DISC1: variants seen among roughly 807,000 people sequenced by gnomAD.
DISC1 encodes DISC1 scaffold protein.
DISC1 carries 57 observed loss-of-function variants against 84.5 expected under a neutral mutation model. The ratio of observed to expected loss-of-function variants is 0.67; its 90% CI spans 0.55 to 0.84. DISC1 has a LOEUF of 0.84. Among genes scored for constraint, DISC1 ranks in the 40% least tolerant of loss-of-function variants. The pLI is 0.00. For missense variants in DISC1, 1,000 were observed against 1,057.8 expected (o/e 0.95, Z 0.76); for synonymous variants, 411 against 415.2 (o/e 0.99, Z 0.12).
intron 6 of DISC1, among the ~76,000 whole-genome samples, chr1:231,794,210 G>A (rs1998406): frequency 0.72 from 108,686 of 151,954 alleles, 39,187 homozygotes; most frequent in Admixed American, 0.77. Context: ...AGAACCATTT[G>A]GTCCAGTTAG....
At chr1:231,867,709 G>A (rs193041021) in intron 9 of DISC1, among the ~76,000 whole-genome samples, 1 of 152,308 alleles carries the variant, frequency 6.6e-6, no homozygotes, top group East Asian at 1.9e-4. Context: ...GTTGTTGATA[G>A]ATCTTCCCAT....
intron 8 of DISC1, among the ~76,000 whole-genome samples, chr1:231,808,259 G>A (rs897508751): frequency 1.3e-5 from 2 of 152,160 alleles, no homozygotes; most frequent in African/African-American, 4.8e-5. Flanking sequence ...GTGAGGGCTG[G>A]AACCACCGTA....
At chr1:231,941,997 G>A (rs1231750830) in intron 9 of DISC1, among the ~76,000 whole-genome samples, 3 of 152,070 alleles carry the variant, frequency 2.0e-5, no homozygotes, top group Non-Finnish European at 4.4e-5. Context: ...CCAGACAGAG[G>A]ATGGGGAAAG....
At chr1:231,891,351 A>T (rs547308410) in intron 9 of DISC1, among the ~76,000 whole-genome samples, 4 of 152,208 alleles carry the variant, frequency 2.6e-5, no homozygotes, top group Non-Finnish European at 5.9e-5. Context: ...TAGTGTTAAT[A>T]GGATATTTGA....
chr1:231,914,198 A>G (rs554453803), intron 9 of DISC1, among the ~76,000 whole-genome samples: 2 of 152,164 alleles, frequency 1.3e-5, no homozygotes, highest in African/African-American at 4.8e-5. Flanking sequence ...GGCAGAGTGA[A>G]TTCACGAGGA....
chr1:231,912,702 C>T lies in DISC1; in HGVS notation c.1982-46126C>T, dbSNP rs560237423. On this transcript the variant is annotated intron_variant, in intron 9 of 12. Coordinates refer to ENST00000439617, the MANE Select transcript of DISC1 (RefSeq NM_018662.3). ...ATGCTGGGAGAACCACCACTCTCTTCAAAGCTGTCAGACAGGGACATTTAA... is the reference window on the plus strand; with the variant it reads ...ATGCTGGGAGAACCACCACTCTCTTTAAAGCTGTCAGACAGGGACATTTAA... Among the ~76,000 whole-genome samples the T allele has an allele frequency of 1.4e-3, 214 of 152,240 alleles. 1 individual carries two copies. The highest frequency in any genetic ancestry group is 4.9e-3 in the African/African-American group (204 of 41,548).
At chr1:231,804,900 G>A (rs1034831109) in intron 8 of DISC1, among the ~76,000 whole-genome samples, 7 of 152,100 alleles carry the variant, frequency 4.6e-5, no homozygotes, top group African/African-American at 1.7e-4. Flanking sequence ...TTTAGGAAGC[G>A]TAATCCGGCC....
intron 3 of DISC1, among the ~76,000 whole-genome samples, chr1:231,726,172 T>G (rs78988047): frequency 0.02 from 3,072 of 152,274 alleles, 41 homozygotes; most frequent in Non-Finnish European, 0.032. Flanking sequence ...TGCTTTTCCA[T>G]GTTATGAACC....
At chr1:231,704,389 A>G (rs568789719) in intron 3 of DISC1, among the ~76,000 whole-genome samples, 43 of 152,264 alleles carry the variant, frequency 2.8e-4, no homozygotes, top group African/African-American at 9.6e-4. Context: ...ATATCTATTA[A>G]GTATCCATCG....
At chr1:231,792,742 T>G (rs2078444666) in intron 6 of DISC1, among the ~76,000 whole-genome samples, 1 of 152,170 alleles carries the variant, frequency 6.6e-6, no homozygotes, top group African/African-American at 2.4e-5. Flanking sequence ...CCTAAGTGGT[T>G]TCATCTGCCC....
intron 9 of DISC1, among the ~76,000 whole-genome samples, chr1:231,957,559 A>G (rs1659736024): frequency 6.6e-6 from 1 of 152,138 alleles, no homozygotes. Context: ...TATGTATGGG[A>G]TGTGAAACAG....
chr1:231,906,687 G>C (rs956081395), intron 9 of DISC1, among the ~76,000 whole-genome samples: 1 of 152,054 alleles, frequency 6.6e-6, no homozygotes. Context: ...AAGCCGTTCA[G>C]GTTAGAGGGT....
intron 1 of DISC1, among the ~76,000 whole-genome samples, chr1:231,649,055 C>T (rs2060391407): frequency 6.6e-6 from 1 of 152,144 alleles, no homozygotes; most frequent in Admixed American, 6.5e-5. Context: ...TCTCTATCTC[C>T]TTCAGTTCTG....
intron 9 of DISC1, among the ~76,000 whole-genome samples, chr1:231,911,390 G>T (rs1338876620): frequency 6.6e-6 from 1 of 152,108 alleles, no homozygotes; most frequent in Non-Finnish European, 1.5e-5. Flanking sequence ...AAATCTCTCA[G>T]CATTTGCTTG....
intron 9 of DISC1, among the ~76,000 whole-genome samples, chr1:231,831,267 G>T (rs1450322186): frequency 6.6e-6 from 1 of 152,208 alleles, no homozygotes; most frequent in Non-Finnish European, 1.5e-5. Context: ...ACTGAGAAGT[G>T]ATTTCCTGGA....
chr1:231,671,569 C>T (rs2062621070), intron 1 of DISC1, among the ~76,000 whole-genome samples: 1 of 152,190 alleles, frequency 6.6e-6, no homozygotes, highest in Non-Finnish European at 1.5e-5. Flanking sequence ...TTGAACTCTC[C>T]ATTCTCCTGA....
At chr1:231,814,563 A>T (rs1183179389) in intron 8 of DISC1, among the ~76,000 whole-genome samples, 1 of 152,014 alleles carries the variant, frequency 6.6e-6, no homozygotes, top group Non-Finnish European at 1.5e-5. Flanking sequence ...ACACATTTGG[A>T]CTCAATGTTG....
At chr1:231,876,024 C>T (rs1419218240) in intron 9 of DISC1, among the ~76,000 whole-genome samples, 4 of 152,172 alleles carry the variant, frequency 2.6e-5, no homozygotes, top group South Asian at 4.2e-4. Flanking sequence ...TGAAAAGGCC[C>T]GAGAGCCCCA....
rs953226875 is a variant in DISC1, at chr1:231,967,722, G to A, written c.2042+8834G>A. 3.0e-4 allele frequency among the ~76,000 whole-genome samples: 45 copies of A among 152,108 alleles called. 1 individual carries two copies. The highest frequency in any genetic ancestry group is 5.9e-5 in the Non-Finnish European group (4 of 68,014). On this transcript the variant is annotated intron_variant, in intron 10 of 12. Transcript: ENST00000439617. ...AATGCAAACTGTAAGAAAATATAAA[G>A]CGCTTAATTCTACAAAGTTAAGTGA... is the stretch of plus-strand genomic sequence containing the variant.
Sources: allele counts gnomAD v4.1 joint callset (sites outside exome capture counted in the v4.1 genomes callset), GRCh38; gene constraint gnomAD v4.1.1; transcripts MANE v1.5; gene names NCBI Gene and HGNC (gene_info 2026-07-23, HGNC 2026-07-21).